Variants in DACH2 observed in about 807,000 individuals in gnomAD.
DACH2 encodes dachshund homolog 2.
Under a neutral mutation model 35.8 loss-of-function variants are expected in DACH2, and 17 were observed. That is an observed-to-expected ratio of 0.48 (90% confidence interval 0.33 to 0.71). The LOEUF is 0.71. Ranked by LOEUF, DACH2 falls within the 30% of genes least tolerant of loss-of-function variation. DACH2 has a pLI of 0.02. For missense variants in DACH2, 469 were observed against 472.7 expected, an observed-to-expected ratio of 0.99 and a Z score of 0.07; for synonymous variants, 195 against 177.3, an observed-to-expected ratio of 1.10 and a Z score of -0.79.
At chrX:86,397,809 T>G (rs1181387098) in intron 2 of DACH2, among the ~76,000 whole-genome samples, 7 of 111,947 alleles carry the variant, frequency 6.3e-5, no homozygotes, top group Admixed American at 1.9e-4. Flanking sequence ...ATATTGAGGA[T>G]TTTTGCATCA....
At chrX:86,261,788 G>A (rs978697842) in intron 1 of DACH2, among the ~76,000 whole-genome samples, 2 of 111,223 alleles carry the variant, frequency 1.8e-5, no homozygotes, top group African/African-American at 6.5e-5. Context: ...ATTAATAAAA[G>A]TTAGCTTATT....
chrX:86,621,763 T>C (rs748794163), intron 3 of DACH2, among the ~76,000 whole-genome samples: 1 of 111,928 alleles, frequency 8.9e-6, no homozygotes, highest in African/African-American at 3.2e-5. Context: ...TTTGAAACAG[T>C]GCTTGACATA....
intron 3 of DACH2, among the ~76,000 whole-genome samples, chrX:86,611,134 G>A (rs1215775740): frequency 1.8e-5 from 2 of 110,243 alleles, no homozygotes; most frequent in Non-Finnish European, 3.8e-5. Flanking sequence ...GCAGGTGATG[G>A]GTTCTGTTAG....
chrX:86,658,097 G>A (rs1269237518), intron 4 of DACH2, among the ~76,000 whole-genome samples: 1 of 111,131 alleles, frequency 9.0e-6, no homozygotes, highest in African/African-American at 3.3e-5. Flanking sequence ...TTCCTAGAGG[G>A]TATGAGACCA....
At chrX:86,564,293 A>C (rs2039265865) in intron 3 of DACH2, among the ~76,000 whole-genome samples, 1 of 111,626 alleles carries the variant, frequency 9.0e-6, no homozygotes, top group South Asian at 3.7e-4. Flanking sequence ...TTTCTCAAAC[A>C]AAACAACTTA....
chrX:86,598,324 A>C (rs865853614), intron 3 of DACH2, among the ~76,000 whole-genome samples: 13 of 111,845 alleles, frequency 1.2e-4, no homozygotes, highest in African/African-American at 4.2e-4. Flanking sequence ...CCTTAGGCTT[A>C]AGTATAGTCA....
At chrX:86,253,730 A>G (rs1370340834) in intron 1 of DACH2, among the ~76,000 whole-genome samples, 2 of 111,510 alleles carry the variant, frequency 1.8e-5, no homozygotes, top group Non-Finnish European at 3.8e-5. Context: ...TCATTGGTTT[A>G]AGAACCAGAT....
chrX:86,293,406 G>A (rs2034357445), intron 1 of DACH2, among the ~76,000 whole-genome samples: 2 of 108,242 alleles, frequency 1.8e-5, no homozygotes, highest in East Asian at 2.9e-4. Context: ...TTTAATTGGA[G>A]CATTTAGTCC....
chrX:86,630,851 T>C (rs1330723377), intron 3 of DACH2, among the ~76,000 whole-genome samples: 3 of 111,235 alleles, frequency 2.7e-5, no homozygotes, highest in Non-Finnish European at 5.7e-5. Flanking sequence ...AAGTGCCTGT[T>C]ATGCATTTTC....
At chrX:86,635,574 G>A (rs915547685) in intron 3 of DACH2, among the ~76,000 whole-genome samples, 1 of 111,294 alleles carries the variant, frequency 9.0e-6, no homozygotes, top group African/African-American at 3.3e-5. Flanking sequence ...CCAATAGAAA[G>A]AGAGGAGGTC....
chrX:86,701,360 G>A lies in DACH2; in HGVS notation c.931+6181G>A, dbSNP rs990371907. On this transcript the variant is annotated intron_variant, in intron 5 of 11. Coordinates refer to ENST00000373125, the MANE Select transcript of DACH2 (RefSeq NM_053281.3). ...TAAACTAGGCATTGAAGGAGCTACC[G>A]CAAAATAATAAGAGCCATCTCTGAC... Among the ~76,000 whole-genome samples, 10 of 111,308 alleles carry A rather than the reference G, an allele frequency of 9.0e-5. 1 individual carries two copies. The highest frequency in any genetic ancestry group is 5.7e-4 in the Admixed American group (6 of 10,469).
intron 3 of DACH2, among the ~76,000 whole-genome samples, chrX:86,600,756 C>G (rs182825130): frequency 9.0e-6 from 1 of 111,703 alleles, no homozygotes; most frequent in Admixed American, 9.5e-5. Flanking sequence ...TTCCTAAGCT[C>G]TCCTGTACCT....
At chrX:86,477,268 G>C (rs1188084446) in intron 2 of DACH2, among the ~76,000 whole-genome samples, 1 of 104,150 alleles carries the variant, frequency 9.6e-6, no homozygotes, top group Non-Finnish European at 2.0e-5. Context: ...TATTGTATTA[G>C]GGTTTCTTTC....
chrX:86,631,836 T>C (rs1344437113), intron 3 of DACH2, among the ~76,000 whole-genome samples: 1 of 111,761 alleles, frequency 8.9e-6, no homozygotes, highest in African/African-American at 3.2e-5. Context: ...GCCATCATTT[T>C]TTTTTCACAC....
chrX:86,280,521 G>A (rs927775698), intron 1 of DACH2, among the ~76,000 whole-genome samples: 3 of 111,853 alleles, frequency 2.7e-5, no homozygotes, highest in African/African-American at 9.8e-5. Flanking sequence ...AAAGACCATC[G>A]ACACTATGAA....
intron 11 of DACH2, chrX:86,830,508 T>C (rs1205187687): frequency 8.9e-6 from 1 of 111,740 alleles, no homozygotes; most frequent in Non-Finnish European, 1.9e-5. Flanking sequence ...TAATAGGCCT[T>C]GTAAGCAGAC....
intron 2 of DACH2, among the ~76,000 whole-genome samples, chrX:86,483,304 T>G (rs2148237002): frequency 9.0e-6 from 1 of 110,906 alleles, no homozygotes; most frequent in Non-Finnish European, 1.9e-5. Flanking sequence ...TCATGCAAAA[T>G]ATTGTGATAA....
intron 1 of DACH2, among the ~76,000 whole-genome samples, chrX:86,346,834 A>G (rs2035505698): frequency 1.8e-5 from 2 of 111,745 alleles, no homozygotes; most frequent in Non-Finnish European, 3.8e-5. Flanking sequence ...AGAGTTGAGT[A>G]TACCCTCTGT....
chrX:86,265,334 T>C (rs1331316746), intron 1 of DACH2, among the ~76,000 whole-genome samples: 6 of 111,911 alleles, frequency 5.4e-5, no homozygotes, highest in African/African-American at 1.6e-4. Context: ...AAGACCAATG[T>C]CACCCTTTGT....
Sources: gnomAD v4.1 joint callset for allele counts (sites outside exome capture counted in the v4.1 genomes callset) on GRCh38, gnomAD v4.1.1 for gene constraint, MANE v1.5 for transcripts, NCBI Gene and HGNC (gene_info 2026-07-23, HGNC 2026-07-21) for gene names.